The following CGA variants were observed in gnomAD, a reference collection of about 807,000 sequenced individuals.
The protein encoded by CGA is glycoprotein hormones, alpha polypeptide.
CGA carries 4 observed loss-of-function variants against 12.0 expected under a neutral mutation model. The observed-to-expected ratio is 0.33, with a 90% CI of 0.16 to 0.76. The LOEUF is 0.76. Ranked by LOEUF, CGA falls within the 30% of genes least tolerant of loss-of-function variation. The probability of loss-of-function intolerance (pLI) is 0.60; values close to 1 mark genes in which losing one functional copy is unlikely to be tolerated. For missense variants in CGA, 102 were observed against 143.5 expected (o/e 0.71, Z 1.48); for synonymous variants, 60 against 56.6 (o/e 1.06, Z -0.27).
intron 1 of CGA, 135 bp downstream of exon 1, chr6:87,094,878 G>C (rs937512341): frequency 3.3e-5 from 5 of 152,264 alleles, no homozygotes; most frequent in Admixed American, 3.3e-4. Context: ...TCAATCATAA[G>C]TGCTGAAAAG....
Position 87,086,440 on chromosome 6 carries a change from A to T in CGA, c.89-6T>A. 1.9e-6 allele frequency: 3 copies of T among 1,577,624 alleles called. No homozygotes were observed. Among genetic ancestry groups the T allele is most frequent in the Middle Eastern group, 3.4e-4 (2 of 5,862 alleles). ...TAGCGTGCATTCTGGGCAATCTATC[A>T]GGGAAAAAAAAAGGCAGAGTAAAAT... On this transcript the variant is annotated splice_region_variant and splice_polypyrimidine_tract_variant and intron_variant, in intron 2 of 3. Transcript: ENST00000627148.
chr6:87,086,989 G>A (rs1213194095), intron 2 of CGA, among the ~76,000 whole-genome samples: 1 of 152,046 alleles, frequency 6.6e-6, no homozygotes, highest in Non-Finnish European at 1.5e-5. Flanking sequence ...TGAGGCAGAA[G>A]AATCACTAGA....
chr6:87,086,301 T>G lies in CGA; in HGVS notation c.222A>C (p.Gln74His), dbSNP rs1334421401. 6.2e-7 allele frequency: 1 copy of G among 1,614,034 alleles called. No individual in the cohort carries two copies. Among genetic ancestry groups the G allele is most frequent in the Non-Finnish European group, 8.5e-7 (1 of 1,180,026 alleles). The change falls in exon 3 of 4, where the codon CAA becomes CAC. Residue 74 changes from glutamine to histidine, a missense_variant. Gln to His is a conservative substitution (Grantham distance 24, BLOSUM62 0). Coordinates refer to ENST00000627148, the MANE Select transcript of CGA (RefSeq NM_000735.4). The stretch of plus-strand genomic sequence containing the variant: ...AAGTGGACTCTGAGGTGACGTTCTT[T>G]TGGACCAACATCGTCTTCTTGGACC... The part of the protein sequence containing the change: ...PLRSKKTMLV[Q>H]KNVTSESTCC...
chr6:87,088,128 C>A lies in CGA; in HGVS notation c.73G>T (p.Ala25Ser), dbSNP rs921992448. The A allele has an allele frequency of 6.3e-7, 1 of 1,592,076 alleles. No individual in the cohort carries two copies. Among genetic ancestry groups the A allele is most frequent in the South Asian group, 1.1e-5 (1 of 88,610 alleles). ...LSVFLHVLHS[A>S]PDVQDCPECT... Reference sequence around the variant, plus strand: ...GGTCACGCACCCTGCACATCAGGAGCGGAATGGAGAACATGCAGAAACACC... The same window carrying A: ...GGTCACGCACCCTGCACATCAGGAGAGGAATGGAGAACATGCAGAAACACC... The change falls in exon 2 of 4, where the codon GCT becomes TCT. Residue 25 changes from alanine to serine, a missense_variant. Physicochemically the swap from Ala to Ser is moderately conservative, Grantham distance 99 (BLOSUM62 1). Transcript: ENST00000627148.
intron 2 of CGA, chr6:87,087,841 T>C (rs1359229808): frequency 4.2e-6 from 1 of 240,678 alleles, no homozygotes; most frequent in Non-Finnish European, 7.9e-6. Context: ...AGCATTTTCT[T>C]CTTGTAAGAC....
At chr6:87,086,932 C>T (rs1054716349) in intron 2 of CGA, among the ~76,000 whole-genome samples, 4 of 151,990 alleles carry the variant, frequency 2.6e-5, no homozygotes, top group African/African-American at 4.8e-5. Context: ...ACAAAAATTT[C>T]GCTGGGCATG....
At chr6:87,087,729 T>A (rs755684470) in intron 2 of CGA, 1 of 154,956 alleles carries the variant, frequency 6.5e-6, no homozygotes, top group Non-Finnish European at 1.4e-5. Flanking sequence ...GTTTTGTTTT[T>A]CTCACTTGTT....
Sources: allele counts gnomAD v4.1 joint callset (sites outside exome capture counted in the v4.1 genomes callset), GRCh38; gene constraint gnomAD v4.1.1; transcripts MANE v1.5; gene names NCBI Gene and HGNC (gene_info 2026-07-23, HGNC 2026-07-21).